Variants in ARHGEF17 observed in about 807,000 individuals in gnomAD.
ARHGEF17 encodes the protein 164 kDa Rho-specific guanine-nucleotide exchange factor.
A neutral mutation model predicts 174.0 loss-of-function variants in ARHGEF17; 80 were observed. The observed-to-expected ratio is 0.46, with a 90% CI of 0.38 to 0.55. The LOEUF (loss-of-function observed/expected upper bound fraction) is 0.55, where lower values mean the gene tolerates loss of function less well. Among genes scored for constraint, ARHGEF17 ranks in the 20% least tolerant of loss-of-function variants. The pLI is 0.00. For missense variants in ARHGEF17, 2,886 were observed against 2,839.7 expected (o/e 1.02, Z -0.37); for synonymous variants, 1,311 against 1,189.1 (o/e 1.10, Z -2.11).
rs1056903878 is a variant in ARHGEF17 at position 73,368,184 on chromosome 11, A to G, written c.*404A>G. The stretch of plus-strand genomic sequence containing the variant: ...ATGTACAGTATTTATGTTTCTTTTT[A>G]GATGTGTACCTTCCCAAGCACTTAT... On this transcript the variant is annotated 3_prime_UTR_variant, in exon 21 of 21. Transcript: ENST00000263674. 3 of 166,062 alleles carry G rather than the reference A, an allele frequency of 1.8e-5. No homozygotes were observed. Among genetic ancestry groups the G allele is most frequent in the Non-Finnish European group, 3.9e-5 (3 of 77,140 alleles). 10.3% of individuals were successfully genotyped at this position (166,062 alleles called of 1,614,324 possible).
intron 1 of ARHGEF17, among the ~76,000 whole-genome samples, chr11:73,344,580 G>T (rs1214251058): frequency 6.6e-6 from 1 of 152,236 alleles, no homozygotes; most frequent in East Asian, 1.9e-4. Flanking sequence ...CGCCTGGCCT[G>T]GCCCTGCTGT....
chr11:73,355,459 C>A, intron 3 of ARHGEF17, 74 bp from the exon 4 acceptor site: 1 of 912,756 alleles, frequency 1.1e-6, no homozygotes, highest in South Asian at 1.4e-5. Context: ...ACTCATGAAT[C>A]AGTGAAAACT....
intron 12 of ARHGEF17, among the ~76,000 whole-genome samples, chr11:73,361,441 A>G (rs1865736225): frequency 6.6e-6 from 1 of 152,206 alleles, no homozygotes; most frequent in African/African-American, 2.4e-5. Context: ...GGCTGCATAC[A>G]TATGTACAGA....
chr11:73,363,541 C>A, intron 15 of ARHGEF17, 86 bp downstream of exon 15: 1 of 1,541,368 alleles, frequency 6.5e-7, no homozygotes, highest in South Asian at 1.2e-5. Context: ...GGAGCCAAGG[C>A]AGGAGGGCTT....
chr11:73,331,232 CT>C (rs1200141138), intron 1 of ARHGEF17, among the ~76,000 whole-genome samples: 18 of 152,200 alleles, frequency 1.2e-4, no homozygotes, highest in African/African-American at 4.3e-4. Context: ...GAGCACTGGC[CT>C]TGTCCTGGCT....
At chr11:73,342,346 A>C (rs1441277910) in intron 1 of ARHGEF17, among the ~76,000 whole-genome samples, 16 of 152,094 alleles carry the variant, frequency 1.1e-4, no homozygotes, top group Admixed American at 1.0e-3. Flanking sequence ...GCCCTCCTTC[A>C]GGCCCAAGAG....
Position 73,356,175 on chromosome 11 carries a change from G to A in ARHGEF17, c.3664G>A (p.Asp1222Asn). ...GGTCTGCTCCCCATTCCCACCCCAG[G>A]ACCTCCTGAAGCATACACCTGAGGA... ...RIPRYELLVKDLLKHTPEDHP... is the reference protein window; with the variant it reads ...RIPRYELLVKNLLKHTPEDHP... Residue 1222 changes from aspartate (D) to asparagine (N), a missense_variant and splice_region_variant, in exon 6 of 21, where the codon GAC becomes AAC. By Grantham distance (23) the Asp-to-Asn change is conservative. Transcript: ENST00000263674. The A allele has an allele frequency of 6.2e-7, 1 of 1,613,830 alleles. No individual in the cohort carries two copies. Among genetic ancestry groups the A allele is most frequent in the Non-Finnish European group, 8.5e-7 (1 of 1,179,974 alleles).
chr11:73,344,353 C>T (rs978665674), intron 1 of ARHGEF17, among the ~76,000 whole-genome samples: 15 of 152,374 alleles, frequency 9.8e-5, no homozygotes, highest in Non-Finnish European at 2.1e-4. Flanking sequence ...TACCTGACAG[C>T]TGAGTGACAG....
At chr11:73,319,113 G>T (rs1362630355) in intron 1 of ARHGEF17, among the ~76,000 whole-genome samples, 2 of 149,542 alleles carry the variant, frequency 1.3e-5, no homozygotes, top group Non-Finnish European at 3.0e-5. Flanking sequence ...TGCCAGGCTG[G>T]AGTACAGTGG....
intron 1 of ARHGEF17, among the ~76,000 whole-genome samples, chr11:73,325,559 C>T (rs953367320): frequency 2.0e-5 from 3 of 152,236 alleles, no homozygotes; most frequent in Admixed American, 2.0e-4. Flanking sequence ...CACTCTCTCT[C>T]TCTCTCTCAC....
At chr11:73,361,920 C>A in intron 12 of ARHGEF17, 120 bp from the exon 13 acceptor site, 2 of 1,129,224 alleles carry the variant, frequency 1.8e-6, no homozygotes, top group Non-Finnish European at 2.5e-6. Flanking sequence ...TATAGGGCAT[C>A]CACACACACA....
chr11:73,329,352 TATATATATATATATA>T lies in ARHGEF17; in HGVS notation c.3192+17523_3193-17516del, dbSNP rs1421718114. Among the ~76,000 whole-genome samples the T allele has an allele frequency of 3.1e-4, 14 of 44,636 alleles. 2 individuals are homozygous for T. Among genetic ancestry groups the T allele is most frequent in the South Asian group, 1.5e-3 (2 of 1,298 alleles). 29.3% of individuals were successfully genotyped at this position (44,636 alleles called of 152,430 possible). A position where few individuals can be genotyped will look rare whatever the true frequency, so the allele number is the denominator to read the frequency against. ...ATATATATATATATATATATATATA[TATATATATATATATA>T]TATATATTTTTTTTTTTTTTTTGTA... On this transcript the variant is annotated intron_variant, in intron 1 of 20. Coordinates refer to ENST00000263674, the MANE Select transcript of ARHGEF17 (RefSeq NM_014786.4).
In ARHGEF17 at chr11:73,309,129, A is replaced by T. The variant is rs773106291; in HGVS notation, c.491A>T (p.Glu164Val). ...GCCGCGTGGGAGCCTCCGGCTCGGGAGTCGCGGCAGCCACCGACGCCACCC... is the reference window on the plus strand; with the variant it reads ...GCCGCGTGGGAGCCTCCGGCTCGGGTGTCGCGGCAGCCACCGACGCCACCC... Reference protein sequence around the residue: ...DGAAWEPPARESRQPPTPPPR... With the variant: ...DGAAWEPPARVSRQPPTPPPR... The change falls in exon 1 of 21, where the codon GAG becomes GTG. Residue 164 changes from glutamate (E) to valine (V), a missense_variant. Glu to Val is a moderately radical substitution (Grantham distance 121). Around this residue, in one of 4 missense-constraint regions of ARHGEF17, gnomAD observed 1,728 missense variants for 1,461.2 expected, o/e 1.18. Transcript: ENST00000263674. The T allele has an allele frequency of 6.4e-7, 1 of 1,571,914 alleles. No individual in the cohort carries two copies. Among genetic ancestry groups the T allele is most frequent in the Non-Finnish European group, 8.6e-7 (1 of 1,161,768 alleles).
intron 20 of ARHGEF17, 111 bp downstream of exon 20, chr11:73,366,058 T>C: frequency 2.2e-6 from 3 of 1,385,894 alleles, no homozygotes; most frequent in Non-Finnish European, 2.9e-6. Flanking sequence ...CACATAGAGC[T>C]GGAGGTGGCA....
chr11:73,361,898 T>G (rs1300156994), intron 12 of ARHGEF17, 142 bp from the exon 13 acceptor site: 2 of 878,894 alleles, frequency 2.3e-6, no homozygotes, highest in Non-Finnish European at 3.4e-6. Context: ...TGTACGCGTG[T>G]GTAGAAGGGT....
intron 1 of ARHGEF17, chr11:73,343,053 G>C (rs1448649245): frequency 6.8e-6 from 2 of 294,352 alleles, no homozygotes; most frequent in Admixed American, 1.0e-4. Context: ...TAGGGAGCGA[G>C]AGTGGGAGGC....
rs1259942058 is a variant in ARHGEF17, at chr11:73,309,945, C to T, written c.1307C>T (p.Ala436Val). The change falls in exon 1 of 21, where the codon GCC (alanine) becomes GTC (valine). Residue 436 changes from alanine (A) to valine (V), a missense_variant. Physicochemically the swap from Ala to Val is moderately conservative, Grantham distance 64. Transcript: ENST00000263674. ...GLLRSQARTR[A>V]KGPGGTSRAL... ...CTGCGGTCCCAGGCTCGAACCCGTG[C>T]CAAAGGACCTGGAGGCACCTCTAGG... The T allele has an allele frequency of 1.9e-6, 3 of 1,613,692 alleles. No homozygotes were observed. Among genetic ancestry groups the T allele is most frequent in the Non-Finnish European group, 2.5e-6 (3 of 1,179,930 alleles).
At position 73,362,580 on chromosome 11, in the gene ARHGEF17, C is replaced by T. The variant is rs1865764670; in HGVS notation, c.4842C>T (p.Gly1614=). The T allele has an allele frequency of 6.2e-7, 1 of 1,610,134 alleles. No individual in the cohort carries two copies. The highest frequency in any genetic ancestry group is 8.5e-7 in the Non-Finnish European group (1 of 1,179,846). Reference sequence around the variant, plus strand: ...CCTGCCTTCACATCTCCATTGCAGGCTCGGGCTTGGAGATGACGCCGGGCC... The same window carrying T: ...CCTGCCTTCACATCTCCATTGCAGGTTCGGGCTTGGAGATGACGCCGGGCC... ...PQPCLHISIA[G]SGLEMTPGLG... The change falls in exon 14 of 21, where the codon GGC becomes GGT. Residue 1614 remains glycine (G), a synonymous_variant. Coordinates refer to ENST00000263674, the MANE Select transcript of ARHGEF17 (RefSeq NM_014786.4).
rs1350307173 is a variant in ARHGEF17 at position 73,365,523 on chromosome 11, C to T, written c.5684C>T (p.Ala1895Val). Residue 1895 changes from alanine to valine, a missense_variant, in exon 19 of 21, where the codon GCA becomes GTA. Physicochemically the swap from Ala to Val is moderately conservative, Grantham distance 64. Around this residue, in one of 4 missense-constraint regions of ARHGEF17, gnomAD observed 329 missense variants for 435.2 expected, o/e 0.76. Coordinates refer to ENST00000263674, the MANE Select transcript of ARHGEF17 (RefSeq NM_014786.4). The surrounding 1 kb of genome is among the most constrained non-coding windows in gnomAD (Gnocchi z 4.9). ...CATCCAGACACCTTTGAGCAGCTGGCAGAAGTAGACGTCACTCCTCCCGTG... is the reference window on the plus strand; with the variant it reads ...CATCCAGACACCTTTGAGCAGCTGGTAGAAGTAGACGTCACTCCTCCCGTG... ...LYHPDTFEQL[A>V]EVDVTPPVHR... is the part of the protein sequence containing the mutation. 1 of 1,614,164 alleles carries T rather than the reference C, an allele frequency of 6.2e-7. No homozygotes were observed. Among genetic ancestry groups the T allele is most frequent in the Non-Finnish European group, 8.5e-7 (1 of 1,180,040 alleles).
Sources: gnomAD v4.1 joint callset for allele counts (sites outside exome capture counted in the v4.1 genomes callset) on GRCh38, gnomAD v4.1.1 for gene constraint, gnomAD v4.1.1 regional missense constraint, Gnocchi (gnomAD v3.1) non-coding constraint, MANE v1.5 for transcripts, NCBI Gene and HGNC (gene_info 2026-07-23, HGNC 2026-07-21) for gene names.